CBLB: variants seen among roughly 807,000 people sequenced by gnomAD.
The protein encoded by CBLB is E3 ubiquitin-protein ligase CBL-B.
A neutral mutation model predicts 104.9 loss-of-function variants in CBLB; 31 were observed. The ratio of observed to expected loss-of-function variants is 0.30; its 90% CI spans 0.22 to 0.40. The LOEUF is 0.40. CBLB is among the 10% of genes least tolerant of loss of function. The pLI is 1.00. For synonymous variants in CBLB, 440 were observed against 422.6 expected (o/e 1.04, Z -0.51); for missense variants, 1,062 against 1,214.6 (o/e 0.87, Z 1.87).
intron 12 of CBLB, among the ~76,000 whole-genome samples, chr3:105,695,972 T>C (rs1431352512): frequency 6.6e-6 from 1 of 151,728 alleles, no homozygotes; most frequent in East Asian, 1.9e-4. Context: ...TCACTTTCCT[T>C]AGGTTTAGCT....
intron 10 of CBLB, among the ~76,000 whole-genome samples, chr3:105,707,659 TTTTAA>T (rs1464407712): frequency 6.6e-6 from 1 of 152,168 alleles, no homozygotes; most frequent in Non-Finnish European, 1.5e-5. Context: ...AGAAGGTCAC[TTTTAA>T]TTTATTTGAG....
intron 3 of CBLB, among the ~76,000 whole-genome samples, chr3:105,782,690 G>A (rs116082230): frequency 0.013 from 1,959 of 150,892 alleles, 23 homozygotes; most frequent in South Asian, 0.021. Context: ...GGGTTCAAGC[G>A]ATTCTCGTGT....
chr3:105,832,422 A>G (rs1444366315), intron 3 of CBLB, among the ~76,000 whole-genome samples: 1 of 152,228 alleles, frequency 6.6e-6, no homozygotes, highest in Admixed American at 6.5e-5. Flanking sequence ...GTTATATACA[A>G]AAACAGATTC....
intron 4 of CBLB, among the ~76,000 whole-genome samples, chr3:105,768,526 C>T (rs895357877): frequency 2.0e-5 from 3 of 152,196 alleles, no homozygotes; most frequent in Admixed American, 2.0e-4. Flanking sequence ...ACGTAAAAGA[C>T]TCATTCAACA....
intron 13 of CBLB, among the ~76,000 whole-genome samples, chr3:105,691,096 T>C (rs2067633946): frequency 6.6e-6 from 1 of 152,234 alleles, no homozygotes; most frequent in Non-Finnish European, 1.5e-5. Flanking sequence ...ATGCATATGC[T>C]TGTGCTTATG....
At chr3:105,748,821 C>T (rs557982769) in intron 5 of CBLB, among the ~76,000 whole-genome samples, 1 of 152,002 alleles carries the variant, frequency 6.6e-6, no homozygotes, top group Non-Finnish European at 1.5e-5. Context: ...CATCTCCTGC[C>T]CCCCCACTGG....
rs73854402 is a variant in CBLB at position 105,756,508 on chromosome 3, C to G, written c.567-4890G>C. On this transcript the variant is annotated intron_variant, in intron 4 of 18. Coordinates refer to ENST00000394030, the MANE Select transcript of CBLB (RefSeq NM_170662.5). Reference sequence around the variant, plus strand: ...GTATGTAACACTTTAATGGTAGATTCATATTATAAAGAGTCAGTTCTTCCC... The same window carrying G: ...GTATGTAACACTTTAATGGTAGATTGATATTATAAAGAGTCAGTTCTTCCC... Among the ~76,000 whole-genome samples, 976 of 152,140 alleles carry G rather than the reference C, an allele frequency of 6.4e-3. 12 individuals carry two copies. Among genetic ancestry groups the G allele is most frequent in the African/African-American group, 0.023 (935 of 41,506 alleles).
At chr3:105,803,620 A>G (rs2083158484) in intron 3 of CBLB, among the ~76,000 whole-genome samples, 1 of 152,218 alleles carries the variant, frequency 6.6e-6, no homozygotes, top group Non-Finnish European at 1.5e-5. Context: ...CTATGAAGTA[A>G]TAGTTTTAAT....
rs568024392 is a variant in CBLB at position 105,809,718 on chromosome 3, G to GT, written c.420-33177dup. ...CAAGCTGCCAAACACTGTTCTTATT[G>GT]TTTTCCTTTACAAATCCTGGTTGGT... On this transcript the variant is annotated intron_variant, in intron 3 of 18. Transcript: ENST00000394030. Among the ~76,000 whole-genome samples, 67 of 152,254 alleles carry GT rather than the reference G, an allele frequency of 4.4e-4. No individual in the cohort carries two copies. The South Asian group carries it at 0.013, about 29-fold the overall frequency.
intron 17 of CBLB, chr3:105,673,732 A>C (rs2065316156): frequency 6.6e-6 from 1 of 152,206 alleles, no homozygotes; most frequent in Non-Finnish European, 1.5e-5. Context: ...ATTCGTAATG[A>C]TTTAGGAAAC....
chr3:105,786,095 A>AGT (rs2080985937), intron 3 of CBLB, among the ~76,000 whole-genome samples: 1 of 143,050 alleles, frequency 7.0e-6, no homozygotes, highest in Non-Finnish European at 1.5e-5. Flanking sequence ...GAAAGTGTAG[A>AGT]GTGAAAAAGG....
chr3:105,687,407 T>A (rs1317716098), intron 13 of CBLB, among the ~76,000 whole-genome samples: 2 of 152,118 alleles, frequency 1.3e-5, no homozygotes, highest in African/African-American at 4.8e-5. Context: ...TCTCGAGTAA[T>A]TTCCCCCACT....
chr3:105,828,603 C>T (rs1409611079), intron 3 of CBLB, among the ~76,000 whole-genome samples: 1 of 152,002 alleles, frequency 6.6e-6, no homozygotes, highest in Admixed American at 6.6e-5. Context: ...ATTTTAGTTC[C>T]ACACATTTTT....
At chr3:105,775,777 G>A (rs1183439476) in intron 4 of CBLB, among the ~76,000 whole-genome samples, 1 of 152,052 alleles carries the variant, frequency 6.6e-6, no homozygotes, top group East Asian at 1.9e-4. Flanking sequence ...GTCTCTGTAG[G>A]GCATACATCT....
At chr3:105,737,800 C>A (rs1490594827) in intron 7 of CBLB, among the ~76,000 whole-genome samples, 1 of 152,130 alleles carries the variant, frequency 6.6e-6, no homozygotes, top group Non-Finnish European at 1.5e-5. Context: ...AACACATGTG[C>A]ACATATGCAA....
intron 2 of CBLB, among the ~76,000 whole-genome samples, chr3:105,860,236 A>T (rs150628441): frequency 0.016 from 2,454 of 152,338 alleles, 30 homozygotes; most frequent in Middle Eastern, 0.027. Flanking sequence ...GAGGAAGAGG[A>T]GGAGGAAGCA....
At chr3:105,741,091 T>A (rs11918793) in intron 6 of CBLB, among the ~76,000 whole-genome samples, 1 of 123,022 alleles carries the variant, frequency 8.1e-6, no homozygotes, top group African/African-American at 3.0e-5. Context: ...ACATAAAAAT[T>A]AGGGTTTTTT....
At chr3:105,822,681 A>G (rs900213289) in intron 3 of CBLB, among the ~76,000 whole-genome samples, 2 of 151,936 alleles carry the variant, frequency 1.3e-5, no homozygotes, top group Admixed American at 1.3e-4. Context: ...TACCCAAACA[A>G]CTCTATCCAT....
At chr3:105,785,420 AT>A (rs1000388932) in intron 3 of CBLB, among the ~76,000 whole-genome samples, 5 of 151,958 alleles carry the variant, frequency 3.3e-5, no homozygotes, top group Non-Finnish European at 5.9e-5. Context: ...ATTTTCTCTC[AT>A]TTTTTTTCTT....
Sources: gnomAD v4.1 joint callset for allele counts (sites outside exome capture counted in the v4.1 genomes callset) on GRCh38, gnomAD v4.1.1 for gene constraint, MANE v1.5 for transcripts, NCBI Gene and HGNC (gene_info 2026-07-23, HGNC 2026-07-21) for gene names.